Variants in RBFOX1 observed in about 807,000 individuals in gnomAD.
The protein encoded by RBFOX1 is RNA binding protein fox-1 homolog 1.
In RBFOX1, 8 loss-of-function variants were observed where a neutral mutation model predicts 57.7. The observed-to-expected ratio is 0.14, with a 90% confidence interval of 0.08 to 0.25. The LOEUF is 0.25. Among genes scored for constraint, RBFOX1 ranks in the 10% least tolerant of loss-of-function variants. The pLI is 1.00. For missense variants in RBFOX1, 611 were observed against 548.5 expected (o/e 1.11, Z -1.14); for synonymous variants, 326 against 222.4 (o/e 1.47, Z -4.15).
rs537812922 is a variant in RBFOX1 at position 5,976,049 on chromosome 16, C to T, written c.351+108714C>T. 3.9e-5 allele frequency among the ~76,000 whole-genome samples: 6 copies of T among 152,020 alleles called. No homozygotes were observed. In the South Asian group the frequency reaches 8.3e-4, roughly 21 times the overall value. On this transcript the variant is annotated intron_variant, in intron 4 of 19. Coordinates refer to the RBFOX1 transcript ENST00000641259. Reference sequence around the variant, plus strand: ...GTCCTAGCCACTCAGGAGGCTGAGGCAAGAGAATTGCTTGAACCTGGGAGG... The same window carrying T: ...GTCCTAGCCACTCAGGAGGCTGAGGTAAGAGAATTGCTTGAACCTGGGAGG...
At chr16:5,700,356 T>A (rs1209820793) in intron 3 of RBFOX1, among the ~76,000 whole-genome samples, 1 of 152,116 alleles carries the variant, frequency 6.6e-6, no homozygotes, top group East Asian at 1.9e-4. Context: ...TCTAAAAATA[T>A]CTTTGTATTG....
At chr16:7,508,422 A>G (rs945628006) in intron 4 of RBFOX1, among the ~76,000 whole-genome samples, 1 of 152,056 alleles carries the variant, frequency 6.6e-6, no homozygotes, top group Non-Finnish European at 1.5e-5. Context: ...TGAGGACAAG[A>G]GCTTATGGTT....
intron 11 of RBFOX1, among the ~76,000 whole-genome samples, chr16:7,652,650 C>G (rs369953052): frequency 6.6e-6 from 1 of 152,348 alleles, no homozygotes; most frequent in Admixed American, 6.5e-5. Context: ...TCATGATCCA[C>G]CTGCCTCAGC....
intron 1 of RBFOX1, among the ~76,000 whole-genome samples, chr16:6,242,504 C>G (rs1301514436): frequency 2.0e-5 from 3 of 151,814 alleles, no homozygotes; most frequent in African/African-American, 7.3e-5. Flanking sequence ...GCTGGGAGTA[C>G]AGGTATGAGC....
At chr16:5,678,200 C>G (rs2050222934) in intron 3 of RBFOX1, among the ~76,000 whole-genome samples, 1 of 152,176 alleles carries the variant, frequency 6.6e-6, no homozygotes, top group East Asian at 1.9e-4. Flanking sequence ...GTTCCAGCAG[C>G]CCACAGATGC....
At chr16:5,375,779 T>A (rs573669786) in intron 1 of RBFOX1, among the ~76,000 whole-genome samples, 17 of 152,356 alleles carry the variant, frequency 1.1e-4, no homozygotes, top group African/African-American at 4.1e-4. Context: ...CGTTCGTCCC[T>A]GCACCATGCT....
At chr16:7,350,475 A>C (rs116199369) in intron 4 of RBFOX1, among the ~76,000 whole-genome samples, 1,868 of 152,266 alleles carry the variant, frequency 0.012, 35 homozygotes, top group African/African-American at 0.042. Context: ...ATTTTGATCT[A>C]GGGGAAATGG....
chr16:5,297,116 G>C (rs1432468666), intron 1 of RBFOX1, among the ~76,000 whole-genome samples: 1 of 152,192 alleles, frequency 6.6e-6, no homozygotes, highest in Non-Finnish European at 1.5e-5. Flanking sequence ...TAAAGGCTGA[G>C]TGGTATTCCA....
intron 4 of RBFOX1, among the ~76,000 whole-genome samples, chr16:5,948,752 T>C (rs902902625): frequency 5.3e-5 from 8 of 152,310 alleles, no homozygotes; most frequent in Admixed American, 4.6e-4. Context: ...TTTCAGACTT[T>C]CAGTCTCCAG....
intron 1 of RBFOX1, among the ~76,000 whole-genome samples, chr16:6,049,955 C>CT (rs1567333986): frequency 9.6e-5 from 12 of 125,070 alleles, no homozygotes; most frequent in Non-Finnish European, 1.4e-4. Flanking sequence ...AAGCTTAAAA[C>CT]GTTTTTTTTT....
chr16:5,962,807 G>C (rs576410094), intron 4 of RBFOX1, among the ~76,000 whole-genome samples: 1 of 142,734 alleles, frequency 7.0e-6, no homozygotes, highest in East Asian at 2.0e-4. Context: ...GGTATGAGAA[G>C]TGAGGGTTTG....
intron 2 of RBFOX1, among the ~76,000 whole-genome samples, chr16:6,573,007 C>T (rs1470785050): frequency 1.3e-5 from 2 of 152,158 alleles, no homozygotes; most frequent in African/African-American, 4.8e-5. Flanking sequence ...AGTCAGGGAT[C>T]ACTCTATTAA....
intron 2 of RBFOX1, among the ~76,000 whole-genome samples, chr16:6,596,465 TATTA>T (rs2097777611): frequency 6.6e-6 from 1 of 152,208 alleles, no homozygotes; most frequent in African/African-American, 2.4e-5. Flanking sequence ...TATGAAGGTA[TATTA>T]ATTCTCCTAC....
chr16:6,159,778 G>A (rs935855678), intron 1 of RBFOX1, among the ~76,000 whole-genome samples: 4 of 152,136 alleles, frequency 2.6e-5, no homozygotes, highest in Non-Finnish European at 5.9e-5. Context: ...TCCACCCATT[G>A]CCCACATGTA....
At chr16:5,440,037 T>G (rs1014841383) in intron 1 of RBFOX1, among the ~76,000 whole-genome samples, 2 of 152,188 alleles carry the variant, frequency 1.3e-5, no homozygotes, top group African/African-American at 4.8e-5. Flanking sequence ...TTAAATTGGT[T>G]GAATAATATG....
chr16:7,245,808 C>T (rs371418626), intron 4 of RBFOX1, among the ~76,000 whole-genome samples: 27 of 152,150 alleles, frequency 1.8e-4, no homozygotes, highest in East Asian at 5.8e-4. Context: ...CTTTAGACAG[C>T]ACTTCATACA....
At chr16:6,944,746 G>A (rs112533032) in intron 3 of RBFOX1, among the ~76,000 whole-genome samples, 4 of 152,162 alleles carry the variant, frequency 2.6e-5, no homozygotes, top group Admixed American at 2.6e-4. Context: ...CATGGATAAA[G>A]TCCTGTTGCC....
At chr16:7,153,524 C>T (rs1272695607) in intron 4 of RBFOX1, among the ~76,000 whole-genome samples, 1 of 150,892 alleles carries the variant, frequency 6.6e-6, no homozygotes. Flanking sequence ...ATCACAAGGT[C>T]AAGAGATCGA....
chr16:6,333,564 T>G (rs56821134), intron 2 of RBFOX1, among the ~76,000 whole-genome samples: 4,657 of 152,302 alleles, frequency 0.031, 236 homozygotes, highest in African/African-American at 0.1. Context: ...CCTTGATTTT[T>G]CAGAGTTTGG....
Sources: gnomAD v4.1 joint callset for allele counts (sites outside exome capture counted in the v4.1 genomes callset) on GRCh38, gnomAD v4.1.1 for gene constraint, MANE v1.5 for transcripts, NCBI Gene and HGNC (gene_info 2026-07-23, HGNC 2026-07-21) for gene names.